KDM7A: variants seen among roughly 807,000 people sequenced by gnomAD.
KDM7A encodes the protein lysine demethylase 7A, also known as lysine-specific demethylase 7A.
Under a neutral mutation model 114.8 loss-of-function variants are expected in KDM7A, and 28 were observed. The ratio of observed to expected loss-of-function variants is 0.24; its 90% CI spans 0.18 to 0.33. KDM7A has a LOEUF of 0.33. KDM7A is among the 10% of genes least tolerant of loss of function. The probability of loss-of-function intolerance (pLI) is 1.00; values close to 1 mark genes in which losing one functional copy is unlikely to be tolerated. For synonymous variants in KDM7A, 423 were observed against 397.8 expected, an observed-to-expected ratio of 1.06 and a Z score of -0.75; for missense variants, 942 against 1,142.5, an observed-to-expected ratio of 0.82 and a Z score of 2.53.
intron 1 of KDM7A, 50 bp from the exon 2 acceptor site, chr7:140,139,240 G>A (rs754868194): frequency 3.4e-5 from 44 of 1,275,958 alleles, no homozygotes; most frequent in Non-Finnish European, 4.6e-5. Context: ...GAAAATCTTC[G>A]CTTAACTATA....
At chr7:140,136,250 G>C (rs1024820549) in intron 2 of KDM7A, among the ~76,000 whole-genome samples, 12 of 152,176 alleles carry the variant, frequency 7.9e-5, no homozygotes. Flanking sequence ...AAATGTCAAA[G>C]AAGATAACAT....
At chr7:140,115,602 C>T (rs1044873454) in intron 9 of KDM7A, among the ~76,000 whole-genome samples, 2 of 151,860 alleles carry the variant, frequency 1.3e-5, no homozygotes, top group South Asian at 2.1e-4. Context: ...GTAGCATGCT[C>T]GTTAAGAGTC....
rs776301740 is a variant in KDM7A, at chr7:140,094,075, G to C, written c.2438C>G (p.Thr813Ser). Residue 813 changes from threonine to serine, a missense_variant, in exon 18 of 20, where the codon ACT becomes AGT. Coordinates refer to ENST00000397560, the MANE Select transcript of KDM7A (RefSeq NM_030647.2). Reference protein sequence around the residue: ...RTSSWIKQFDTSRFHPQDLSR... With the variant: ...RTSSWIKQFDSSRFHPQDLSR... The stretch of plus-strand genomic sequence containing the variant: ...ATATACCTGAGGATGAAATCTGGAA[G>C]TATCAAACTGTTTAATCCAGGAGGA... 3 of 1,586,838 alleles carry C rather than the reference G, an allele frequency of 1.9e-6. No individual in the cohort carries two copies. The highest frequency in any genetic ancestry group is 2.2e-5 in the South Asian group (2 of 90,552).
intron 1 of KDM7A, among the ~76,000 whole-genome samples, chr7:140,141,660 G>A (rs1486344787): frequency 6.6e-6 from 1 of 151,992 alleles, no homozygotes; most frequent in Non-Finnish European, 1.5e-5. Context: ...CTGGGAGGCC[G>A]AGGTGGGCGG....
In KDM7A at chr7:140,127,562, A is replaced by G; in HGVS notation, c.581T>C (p.Val194Ala). 6.2e-7 allele frequency: 1 copy of G among 1,613,990 alleles called. No individual in the cohort carries two copies. Among genetic ancestry groups the G allele is most frequent in the Non-Finnish European group, 8.5e-7 (1 of 1,179,914 alleles). ...GTCTGCCTGCCTCGCCACATCAATG[A>G]CATCTATCACTTTGTCACCACCTGC... ...RYVGGDKVID[V>A]IDVARQADSK... The change falls in exon 5 of 20, where the codon GTC becomes GCC. Residue 194 changes from valine (V) to alanine (A), a missense_variant. This residue lies in a region of KDM7A where 318 missense variants were observed against 453.1 expected (regional missense o/e 0.70). Transcript: ENST00000397560.
At position 140,140,693 on chromosome 7, in the gene KDM7A, G is replaced by C. The variant is rs182330161; in HGVS notation, c.195-1503C>G. Among the ~76,000 whole-genome samples, 11 of 149,874 alleles carry C rather than the reference G, an allele frequency of 7.3e-5. No homozygotes were observed. In the East Asian group the frequency reaches 2.0e-3, roughly 27 times the overall value. On this transcript the variant is annotated intron_variant, in intron 1 of 19. Coordinates refer to ENST00000397560, the MANE Select transcript of KDM7A (RefSeq NM_030647.2). The stretch of plus-strand genomic sequence containing the variant: ...GGAGGCTGAGGCAGGAGAATTGCTT[G>C]AACCCAGGCGGCAGAGGTTGCAGTA...
At chr7:140,091,710 GAAC>G in intron 19 of KDM7A, 91 bp downstream of exon 19, 1 of 1,373,566 alleles carries the variant, frequency 7.3e-7, no homozygotes. Context: ...ATGAGATGTT[GAAC>G]AACTTGAGTG....
At chr7:140,162,762 T>G (rs1317261351) in intron 1 of KDM7A, among the ~76,000 whole-genome samples, 1 of 152,054 alleles carries the variant, frequency 6.6e-6, no homozygotes, top group South Asian at 2.1e-4. Flanking sequence ...AGAATAAAGA[T>G]AAACATACAC....
In KDM7A at chr7:140,110,943, C is replaced by T. The variant is rs1818420164; in HGVS notation, c.1428+152G>A. 8.6e-6 allele frequency: 4 copies of T among 467,526 alleles called. No individual in the cohort carries two copies. The East Asian group carries it at 1.3e-4, about 15-fold the overall frequency. 29.0% of individuals were successfully genotyped at this position (467,526 alleles called of 1,614,324 possible). A position where few individuals can be genotyped will look rare whatever the true frequency, so the allele number is the denominator to read the frequency against. On this transcript the variant is annotated intron_variant, in intron 11 of 19. Coordinates refer to ENST00000397560, the MANE Select transcript of KDM7A (RefSeq NM_030647.2). ...AAATTTCTCTTAAGGACTTCAGAGG[C>T]CTGAAAACCTGAGAAACCTCCAAAG... is the stretch of plus-strand genomic sequence containing the variant.
chr7:140,166,335 C>CTTTTTTT (rs746518929), intron 1 of KDM7A, among the ~76,000 whole-genome samples: 1 of 128,668 alleles, frequency 7.8e-6, no homozygotes. Context: ...CTTTTTTTTC[C>CTTTTTTT]TTTTTTTTTT....
chr7:140,173,623 TCCTACTCCTC>T lies in KDM7A; in HGVS notation c.194+3111_194+3120del, dbSNP rs543309370. Among the ~76,000 whole-genome samples, 134 of 152,260 alleles carry T rather than the reference TCCTACTCCTC, an allele frequency of 8.8e-4. 1 individual carries two copies. The highest frequency in any genetic ancestry group is 3.1e-3 in the African/African-American group (128 of 41,548). ...CAATGGCAATTCTCTGTATCCAACC[TCCTACTCCTC>T]CTTGCTCCTCTACAGATGGACCACC... On this transcript the variant is annotated intron_variant, in intron 1 of 19. Coordinates refer to ENST00000397560, the MANE Select transcript of KDM7A (RefSeq NM_030647.2).
rs201973090 is a variant in KDM7A at position 140,126,745 on chromosome 7, G to C, written c.780C>G (p.Val260=). ...WVENYWPDDS[V]FPKPFVQKYC... ...ATTTCTGAACAAATGGCTTGGGAAA[G>C]ACTGAATCATCTGGCCAATAATTTT... The change falls in exon 6 of 20, where the codon GTC becomes GTG. Residue 260 remains valine (V), a synonymous_variant. Coordinates refer to ENST00000397560, the MANE Select transcript of KDM7A (RefSeq NM_030647.2). The C allele has an allele frequency of 2.3e-4, 369 of 1,613,936 alleles. No individual in the cohort carries two copies. Among genetic ancestry groups the C allele is most frequent in the Admixed American group, 3.5e-4 (21 of 60,016 alleles).
intron 1 of KDM7A, among the ~76,000 whole-genome samples, chr7:140,150,521 C>T (rs1794387551): frequency 6.6e-6 from 1 of 152,182 alleles, no homozygotes; most frequent in South Asian, 2.1e-4. Flanking sequence ...GATACGCTTG[C>T]TGTAAAGCAA....
chr7:140,138,460 T>C (rs921824926), intron 2 of KDM7A, among the ~76,000 whole-genome samples: 33 of 152,320 alleles, frequency 2.2e-4, no homozygotes, highest in African/African-American at 5.3e-4. Flanking sequence ...AGGTGTGATG[T>C]TGGTCCACTC....
Position 140,176,920 on chromosome 7 carries a change from C to A in KDM7A, c.18G>T (p.Ala6=). The A allele has an allele frequency of 8.6e-7, 1 of 1,165,028 alleles. No homozygotes were observed. Among genetic ancestry groups the A allele is most frequent in the South Asian group, 3.8e-5 (1 of 26,496 alleles). 72.2% of individuals were successfully genotyped at this position (1,165,028 alleles called of 1,614,324 possible). A position where few individuals can be genotyped will look rare whatever the true frequency, so the allele number is the denominator to read the frequency against. Residue 6 remains alanine, a synonymous_variant, in exon 1 of 20, where the codon GCG becomes GCT. Transcript: ENST00000397560. The surrounding 1 kb of genome is among the most constrained non-coding windows in gnomAD (Gnocchi z 4.4). Reference sequence around the variant, plus strand: ...CAGCTGCTGCTCCCGCGGCCACCGCCGCCGCCGCTCCGGCCATCTTTAAAA... The same window carrying A: ...CAGCTGCTGCTCCCGCGGCCACCGCAGCCGCCGCTCCGGCCATCTTTAAAA... MAGAA[A]AVAAGAAAGA... is the part of the protein sequence containing the mutation.
chr7:140,136,021 G>A (rs576129056), intron 2 of KDM7A, among the ~76,000 whole-genome samples: 6 of 152,108 alleles, frequency 3.9e-5, no homozygotes, highest in East Asian at 3.9e-4. Context: ...GTACAGTGGC[G>A]CAATCACAGT....
In KDM7A at chr7:140,155,698, G is replaced by A. The variant is rs192169871; in HGVS notation, c.195-16508C>T. The stretch of plus-strand genomic sequence containing the variant: ...GCAAGGAAGGAGATAAAACACCATC[G>A]ATAAATGGCCACTGGTGTGGGGCAA... On this transcript the variant is annotated intron_variant, in intron 1 of 19. Coordinates refer to ENST00000397560, the MANE Select transcript of KDM7A (RefSeq NM_030647.2). Among the ~76,000 whole-genome samples, 6 of 152,294 alleles carry A rather than the reference G, an allele frequency of 3.9e-5. 1 individual carries two copies. Among genetic ancestry groups the A allele is most frequent in the African/African-American group, 9.6e-5 (4 of 41,560 alleles).
Position 140,100,016 on chromosome 7 carries a change from A to C in KDM7A, c.1646T>G (p.Leu549Trp), listed in dbSNP as rs774827431. The part of the protein sequence containing the change: ...LEMCPWEEDI[L>W]SSKLNGKFNK... Reference sequence around the variant, plus strand: ...GAATTTTCCATTCAGTTTAGAGCTCAAGATGTCCTGAAGGTATAAATGCAG... The same window carrying C: ...GAATTTTCCATTCAGTTTAGAGCTCCAGATGTCCTGAAGGTATAAATGCAG... Residue 549 changes from leucine (L) to tryptophan (W), a missense_variant, in exon 13 of 20, where the codon TTG becomes TGG. Leu to Trp is a moderately conservative substitution (Grantham distance 61). Coordinates refer to ENST00000397560, the MANE Select transcript of KDM7A (RefSeq NM_030647.2). 19 of 1,613,888 alleles carry C rather than the reference A, an allele frequency of 1.2e-5. 1 individual carries two copies. The South Asian group carries it at 1.9e-4, about 16-fold the overall frequency.
chr7:140,119,667 G>A (rs993565868), intron 8 of KDM7A, among the ~76,000 whole-genome samples: 1 of 151,532 alleles, frequency 6.6e-6, no homozygotes, highest in Admixed American at 6.6e-5. Context: ...CTCCCTCAGG[G>A]ACAGCTCAGG....
Sources: gnomAD v4.1 joint callset for allele counts (sites outside exome capture counted in the v4.1 genomes callset) on GRCh38, gnomAD v4.1.1 for gene constraint, gnomAD v4.1.1 regional missense constraint, Gnocchi (gnomAD v3.1) non-coding constraint, MANE v1.5 for transcripts, NCBI Gene and HGNC (gene_info 2026-07-23, HGNC 2026-07-21) for gene names.